Variants in STK32B observed in about 807,000 individuals in gnomAD.
The protein encoded by STK32B is serine/threonine-protein kinase 32B.
STK32B carries 43 observed loss-of-function variants against 52.6 expected under a neutral mutation model. That is an observed-to-expected ratio of 0.82 (90% CI 0.64 to 1.05). The LOEUF is 1.05. Ranked by LOEUF, STK32B falls within the 50% of genes least tolerant of loss-of-function variation. The probability of loss-of-function intolerance (pLI) is 0.00; values close to 1 mark genes in which losing one functional copy is unlikely to be tolerated. For missense variants in STK32B, 621 were observed against 534.6 expected, an observed-to-expected ratio of 1.16 and a Z score of -1.59; for synonymous variants, 238 against 204.3, an observed-to-expected ratio of 1.17 and a Z score of -1.41.
chr4:5,369,996 C>G (rs1248494029), intron 4 of STK32B, among the ~76,000 whole-genome samples: 1 of 152,072 alleles, frequency 6.6e-6, no homozygotes, highest in Admixed American at 6.5e-5. Flanking sequence ...CTGCCTCAGC[C>G]TCCCGAGTAG....
At chr4:5,265,926 ATAGGAT>A (rs528248526) in intron 3 of STK32B, among the ~76,000 whole-genome samples, 9 of 152,312 alleles carry the variant, frequency 5.9e-5, no homozygotes, top group African/African-American at 1.9e-4. Context: ...TTTTTAGATA[ATAGGAT>A]TAGGTAAGTT....
At chr4:5,235,331 C>T (rs1724546578) in intron 3 of STK32B, among the ~76,000 whole-genome samples, 1 of 152,162 alleles carries the variant, frequency 6.6e-6, no homozygotes, top group East Asian at 1.9e-4. Flanking sequence ...GATTTTGAAT[C>T]CCAGCTCCAT....
chr4:5,248,820 T>G (rs1307844474), intron 3 of STK32B, among the ~76,000 whole-genome samples: 1 of 151,556 alleles, frequency 6.6e-6, no homozygotes, highest in Non-Finnish European at 1.5e-5. Context: ...CAAACTATCG[T>G]GAGGACAAAA....
intron 6 of STK32B, among the ~76,000 whole-genome samples, chr4:5,438,431 A>C (rs990174425): frequency 2.0e-5 from 3 of 152,168 alleles, no homozygotes; most frequent in Non-Finnish European, 4.4e-5. Context: ...AGGCAGACAA[A>C]AAGATGCTGA....
intron 4 of STK32B, among the ~76,000 whole-genome samples, chr4:5,391,742 A>G (rs1336139533): frequency 6.6e-6 from 1 of 152,208 alleles, no homozygotes; most frequent in Non-Finnish European, 1.5e-5. Context: ...TTGACCACGA[A>G]TGGGCCTGGG....
intron 3 of STK32B, among the ~76,000 whole-genome samples, chr4:5,266,023 A>G (rs566939731): frequency 2.0e-5 from 3 of 152,272 alleles, no homozygotes; most frequent in Admixed American, 2.0e-4. Flanking sequence ...CTTTAAGGAA[A>G]CTTTCTAGGT....
chr4:5,157,154 T>C (rs1383657113), intron 2 of STK32B, among the ~76,000 whole-genome samples: 1 of 152,128 alleles, frequency 6.6e-6, no homozygotes, highest in Non-Finnish European at 1.5e-5. Context: ...AATGTATTCT[T>C]TTAGAATCTT....
intron 3 of STK32B, among the ~76,000 whole-genome samples, chr4:5,275,802 G>C (rs899954283): frequency 6.6e-6 from 1 of 152,038 alleles, no homozygotes; most frequent in African/African-American, 2.4e-5. Flanking sequence ...TGGTGGTGCC[G>C]AGGTCACTGG....
chr4:5,476,742 A>G (rs930793129), intron 11 of STK32B, among the ~76,000 whole-genome samples: 1 of 151,758 alleles, frequency 6.6e-6, no homozygotes, highest in African/African-American at 2.4e-5. Flanking sequence ...TTATGAGTGA[A>G]TATGACCTTA....
At chr4:5,344,379 A>C (rs937983910) in intron 4 of STK32B, among the ~76,000 whole-genome samples, 1 of 152,226 alleles carries the variant, frequency 6.6e-6, no homozygotes, top group Admixed American at 6.5e-5. Flanking sequence ...AACATCTTCC[A>C]GTGAAGTCCG....
chr4:5,042,871 C>A, the STK32B span, among the ~76,000 whole-genome samples: 4 of 151,998 alleles, frequency 2.6e-5, no homozygotes, highest in African/African-American at 9.7e-5. Flanking sequence ...CTTTGGGAGG[C>A]CGAGGCGGGT....
chr4:5,418,100 G>A (rs1373806765), intron 6 of STK32B, among the ~76,000 whole-genome samples: 1 of 152,204 alleles, frequency 6.6e-6, no homozygotes, highest in Non-Finnish European at 1.5e-5. Flanking sequence ...GAACTGCATG[G>A]AGCATGGCTA....
At chr4:5,106,732 C>G (rs1197527976) in intron 1 of STK32B, among the ~76,000 whole-genome samples, 1 of 152,146 alleles carries the variant, frequency 6.6e-6, no homozygotes, top group African/African-American at 2.4e-5. Flanking sequence ...ATAGTTGTCT[C>G]TCTTTAAATA....
At chr4:5,319,319 T>G (rs115985916) in intron 3 of STK32B, among the ~76,000 whole-genome samples, 1,883 of 152,278 alleles carry the variant, frequency 0.012, 21 homozygotes, top group Non-Finnish European at 0.02. Context: ...ATAGGGCTCA[T>G]CACTGCTTAC....
chr4:5,264,793 A>C lies in STK32B; in HGVS notation c.261-66427A>C, dbSNP rs556874346. 1.9e-3 allele frequency among the ~76,000 whole-genome samples: 284 copies of C among 152,188 alleles called. 2 individuals carry two copies. Among genetic ancestry groups the C allele is most frequent in the African/African-American group, 6.5e-3 (271 of 41,510 alleles). Reference sequence around the variant, plus strand: ...CAGAGCGAGACTCCATCTCAAACAAAAAAAAAAATTGTTGTGTTATACAAG... The same window carrying C: ...CAGAGCGAGACTCCATCTCAAACAACAAAAAAAATTGTTGTGTTATACAAG... On this transcript the variant is annotated intron_variant, in intron 3 of 11. Coordinates refer to ENST00000282908, the MANE Select transcript of STK32B (RefSeq NM_018401.3).
At chr4:5,269,762 G>A (rs1727300188) in intron 3 of STK32B, among the ~76,000 whole-genome samples, 1 of 152,002 alleles carries the variant, frequency 6.6e-6, no homozygotes, top group South Asian at 2.1e-4. Flanking sequence ...TAGCAATAAA[G>A]GAAATACACC....
rs1163133746 is a variant in STK32B, at chr4:5,247,882, C to G, written c.260+79432C>G. 2.0e-5 allele frequency among the ~76,000 whole-genome samples: 3 copies of G among 152,254 alleles called. No homozygotes were observed. The East Asian group carries it at 5.8e-4, about 29-fold the overall frequency. ...CTAAGAATGCCTGGCTTTACAGTCT[C>G]AGTTGCAGCTTTTCTTCTTGCATAG... On this transcript the variant is annotated intron_variant, in intron 3 of 11. Coordinates refer to ENST00000282908, the MANE Select transcript of STK32B (RefSeq NM_018401.3).
intron 6 of STK32B, among the ~76,000 whole-genome samples, chr4:5,439,948 G>T (rs1360198381): frequency 1.3e-5 from 2 of 152,168 alleles, no homozygotes; most frequent in Non-Finnish European, 2.9e-5. Context: ...GCTCTGTTGT[G>T]TTCCATTGAT....
intron 1 of STK32B, among the ~76,000 whole-genome samples, chr4:5,071,761 A>C (rs1239728541): frequency 6.6e-6 from 1 of 152,222 alleles, no homozygotes; most frequent in Non-Finnish European, 1.5e-5. Context: ...TATTTCTTCC[A>C]GAAAATAACA....
Sources: gnomAD v4.1 joint callset for allele counts (sites outside exome capture counted in the v4.1 genomes callset) on GRCh38, gnomAD v4.1.1 for gene constraint, MANE v1.5 for transcripts, NCBI Gene and HGNC (gene_info 2026-07-23, HGNC 2026-07-21) for gene names.